Variants in STRN3 observed in about 807,000 individuals in gnomAD.
STRN3 encodes striatin 3.
Under a neutral mutation model 95.6 loss-of-function variants are expected in STRN3, and 29 were observed. The ratio of observed to expected loss-of-function variants is 0.30; its 90% CI spans 0.23 to 0.41. STRN3 has a LOEUF of 0.41. STRN3 is among the 10% of genes least tolerant of loss of function. The pLI is 1.00. For synonymous variants in STRN3, 331 were observed against 357.6 expected (o/e 0.93, Z 0.84); for missense variants, 890 against 972.1 (o/e 0.92, Z 1.12).
chr14:31,007,535 G>A (rs1882773453), intron 1 of STRN3, among the ~76,000 whole-genome samples: 1 of 152,078 alleles, frequency 6.6e-6, no homozygotes, highest in African/African-American at 2.4e-5. Context: ...ATCTATATTG[G>A]AATATGATGA....
chr14:30,943,732 A>G (rs938229247), intron 5 of STRN3, among the ~76,000 whole-genome samples: 1 of 152,240 alleles, frequency 6.6e-6, no homozygotes, highest in African/African-American at 2.4e-5. Context: ...CATAAATGAC[A>G]ACAAGAATGA....
At chr14:31,010,303 A>G (rs1354546897) in intron 1 of STRN3, among the ~76,000 whole-genome samples, 3 of 151,508 alleles carry the variant, frequency 2.0e-5, no homozygotes, top group African/African-American at 7.3e-5. Context: ...ATATGTATAC[A>G]TGTGCCATGC....
At chr14:30,952,423 G>C (rs12883240) in intron 3 of STRN3, among the ~76,000 whole-genome samples, 35,452 of 151,980 alleles carry the variant, frequency 0.23, 4,361 homozygotes, top group Non-Finnish European at 0.26. Context: ...CTCTGGCTGG[G>C]AACAGTGGCT....
rs552184386 is a variant in STRN3 at position 30,990,412 on chromosome 14, C to T, written c.283-34170G>A. ...CTCGATCTCCTGATCTCATGATCCG[C>T]CCGCCTCAGACTCCCAAAGTGCTGG... On this transcript the variant is annotated intron_variant, in intron 1 of 17. Transcript: ENST00000357479. 4.5e-3 allele frequency among the ~76,000 whole-genome samples: 688 copies of T among 151,600 alleles called. 4 individuals carry two copies. Among genetic ancestry groups the T allele is most frequent in the African/African-American group, 0.016 (647 of 41,074 alleles).
At chr14:30,937,438 T>C (rs1454651048) in intron 5 of STRN3, among the ~76,000 whole-genome samples, 1 of 152,186 alleles carries the variant, frequency 6.6e-6, no homozygotes, top group Non-Finnish European at 1.5e-5. Flanking sequence ...CAAAATCTAT[T>C]AAATAAATAC....
intron 7 of STRN3, 120 bp from the exon 8 acceptor site, chr14:30,929,431 A>G: frequency 1.3e-6 from 1 of 753,272 alleles, no homozygotes; most frequent in Non-Finnish European, 2.2e-6. Flanking sequence ...TATACTCAAA[A>G]TACTTTAAAG....
intron 1 of STRN3, among the ~76,000 whole-genome samples, chr14:30,966,309 A>G (rs974455442): frequency 1.3e-5 from 2 of 152,168 alleles, no homozygotes; most frequent in African/African-American, 4.8e-5. Flanking sequence ...TTCTATACAG[A>G]AGTAACTTGC....
chr14:31,015,911 TCTCACTC>T (rs1883216541), intron 1 of STRN3, among the ~76,000 whole-genome samples: 1 of 152,142 alleles, frequency 6.6e-6, no homozygotes, highest in African/African-American at 2.4e-5. Context: ...CAATCCTCCA[TCTCACTC>T]CTCCACCAGG....
At chr14:31,007,611 A>G (rs1203702818) in intron 1 of STRN3, among the ~76,000 whole-genome samples, 1 of 152,146 alleles carries the variant, frequency 6.6e-6, no homozygotes, top group East Asian at 1.9e-4. Context: ...AATGTTCAAT[A>G]TTGTCAGATG....
rs564907383 is a variant in STRN3 at position 31,019,259 on chromosome 14, C to T, written c.282+6645G>A. Among the ~76,000 whole-genome samples, 10 of 152,178 alleles carry T rather than the reference C, an allele frequency of 6.6e-5. No homozygotes were observed. In the South Asian group the frequency reaches 2.1e-3, roughly 32 times the overall value. ...AGAGTTTTGAGGCTGCAGTGAGCTA[C>T]GATCGCACCACTGCATTCCAGCCTG... is the stretch of plus-strand genomic sequence containing the variant. On this transcript the variant is annotated intron_variant, in intron 1 of 17. Coordinates refer to ENST00000357479, the MANE Select transcript of STRN3 (RefSeq NM_001083893.2).
chr14:31,015,853 C>T (rs1883213249), intron 1 of STRN3, among the ~76,000 whole-genome samples: 1 of 152,170 alleles, frequency 6.6e-6, no homozygotes, highest in Non-Finnish European at 1.5e-5. Context: ...GGCCGGAGTG[C>T]AGTGGGGTGA....
chr14:30,977,258 G>T lies in STRN3; in HGVS notation c.283-21016C>A, dbSNP rs1453810228. Among the ~76,000 whole-genome samples the T allele has an allele frequency of 1.3e-5, 2 of 151,890 alleles. 1 individual carries two copies. The highest frequency in any genetic ancestry group is 2.9e-5 in the Non-Finnish European group (2 of 67,950). On this transcript the variant is annotated intron_variant, in intron 1 of 17. Transcript: ENST00000357479. ...AATACATATATGAAAAAAAGAGAAA[G>T]ATTTGAAACCAACAATTTAGCTTCC...
At chr14:31,003,544 T>C (rs886291343) in intron 1 of STRN3, among the ~76,000 whole-genome samples, 3 of 151,914 alleles carry the variant, frequency 2.0e-5, no homozygotes, top group Non-Finnish European at 4.4e-5. Context: ...GAGTTCTCAC[T>C]CCATTAGTTC....
intron 12 of STRN3, among the ~76,000 whole-genome samples, 153 bp from the exon 13 acceptor site, chr14:30,911,315 T>TC (rs1896603272): frequency 6.7e-6 from 1 of 148,180 alleles, no homozygotes. Context: ...TTTTTTTTTT[T>TC]TGGAGACAGG....
intron 7 of STRN3, among the ~76,000 whole-genome samples, chr14:30,930,027 T>G (rs1195376260): frequency 7.2e-6 from 1 of 139,198 alleles, no homozygotes; most frequent in Non-Finnish European, 1.6e-5. Context: ...TTTTTCAGGA[T>G]AAAACTAGTG....
chr14:30,967,281 G>T, intron 1 of STRN3, among the ~76,000 whole-genome samples: 1 of 143,420 alleles, frequency 7.0e-6, no homozygotes, highest in African/African-American at 2.6e-5. Context: ...AAGAGAGGCA[G>T]AGAGGGGGGA....
chr14:30,929,688 C>T (rs899445345), intron 7 of STRN3, among the ~76,000 whole-genome samples: 4 of 151,714 alleles, frequency 2.6e-5, no homozygotes, highest in Non-Finnish European at 5.9e-5. Flanking sequence ...GAAATACATG[C>T]GAACTACTCG....
chr14:31,012,443 CAG>C (rs1883011152), intron 1 of STRN3, among the ~76,000 whole-genome samples: 1 of 152,196 alleles, frequency 6.6e-6, no homozygotes, highest in African/African-American at 2.4e-5. Context: ...GGAAACACAA[CAG>C]AGTTTGAGGC....
intron 1 of STRN3, chr14:31,025,596 A>G (rs1883795921): frequency 2.2e-6 from 1 of 460,654 alleles, no homozygotes; most frequent in Non-Finnish European, 4.0e-6. Flanking sequence ...GCTCGGTCCC[A>G]AGCCCCGGAG....
Sources: gnomAD v4.1 joint callset for allele counts (sites outside exome capture counted in the v4.1 genomes callset) on GRCh38, gnomAD v4.1.1 for gene constraint, MANE v1.5 for transcripts, NCBI Gene and HGNC (gene_info 2026-07-23, HGNC 2026-07-21) for gene names.